SYT16: variants seen among roughly 807,000 people sequenced by gnomAD.
SYT16 encodes the protein synaptotagmin 16.
In SYT16, 42 loss-of-function variants were observed where a neutral mutation model predicts 61.4. The ratio of observed to expected loss-of-function variants is 0.68; its 90% CI spans 0.53 to 0.89. SYT16 has a LOEUF of 0.89. Ranked by LOEUF, SYT16 falls within the 40% of genes least tolerant of loss-of-function variation. The pLI is 0.00. For missense variants in SYT16, 804 were observed against 807.3 expected (o/e 1.00, Z 0.05); for synonymous variants, 314 against 302.3 (o/e 1.04, Z -0.40).
chr14:62,100,376 C>CTTTTTTTT lies in SYT16; in HGVS notation c.1625-15_1625-8dup. 4 of 1,286,614 alleles carry CTTTTTTTT rather than the reference C, an allele frequency of 3.1e-6. No homozygotes were observed. Among genetic ancestry groups the CTTTTTTTT allele is most frequent in the Non-Finnish European group, 2.1e-6 (2 of 948,380 alleles). 79.7% of individuals were successfully genotyped at this position (1,286,614 alleles called of 1,614,324 possible). On this transcript the variant is annotated splice_polypyrimidine_tract_variant and intron_variant, in intron 7 of 7. Coordinates refer to ENST00000683842, the MANE Select transcript of SYT16 (RefSeq NM_001367656.1). ...TGTTTCTTATCATCCCCACCCCACC[C>CTTTTTTTT]TTTTTTTTTTGTCTTAGATACATAT...
chr14:62,096,189 TAAAAG>T (rs1039138583), intron 7 of SYT16, among the ~76,000 whole-genome samples: 8 of 151,958 alleles, frequency 5.3e-5, no homozygotes, highest in African/African-American at 1.7e-4. Context: ...AGCATCAACT[TAAAAG>T]AAGACACCAA....
At chr14:61,941,679 AG>A in intron 1 of SYT16, among the ~76,000 whole-genome samples, 1 of 152,116 alleles carries the variant, frequency 6.6e-6, no homozygotes, top group Non-Finnish European at 1.5e-5. Context: ...TTTTCTTCTT[AG>A]CTCTGCAGCT....
At chr14:62,100,005 A>G (rs891576049) in intron 7 of SYT16, among the ~76,000 whole-genome samples, 22 of 152,358 alleles carry the variant, frequency 1.4e-4, no homozygotes, top group Admixed American at 5.2e-4. Flanking sequence ...CAATTTGACT[A>G]TGAAAAAATC....
At chr14:61,865,228 T>A (rs1343440062) in intron 1 of SYT16, 1 of 1,020,476 alleles carries the variant, frequency 9.8e-7, no homozygotes, top group Non-Finnish European at 1.5e-6. Flanking sequence ...GGGCACCCCA[T>A]CTGTTGCTGG....
chr14:61,859,106 G>A (rs945872424), intron 1 of SYT16, among the ~76,000 whole-genome samples: 1 of 151,776 alleles, frequency 6.6e-6, no homozygotes, highest in African/African-American at 2.4e-5. Context: ...TGATTCGCCC[G>A]CCTCGGCCTC....
intron 1 of SYT16, among the ~76,000 whole-genome samples, chr14:61,933,739 A>C (rs1429971116): frequency 6.6e-6 from 1 of 152,234 alleles, no homozygotes; most frequent in Admixed American, 6.5e-5. Context: ...AGGTTATCAG[A>C]CACAGTGGAG....
At chr14:61,897,342 T>C (rs2048359994) in intron 1 of SYT16, 2 of 152,224 alleles carry the variant, frequency 1.3e-5, no homozygotes, top group South Asian at 2.1e-4. Flanking sequence ...GAATTTTCTT[T>C]ACGTTGTCTA....
chr14:62,106,993 T>C lies in SYT16; in HGVS notation c.*6286T>C, dbSNP rs182750453. 1.4e-4 allele frequency: 22 copies of C among 152,112 alleles called. No individual in the cohort carries two copies. The highest frequency in any genetic ancestry group is 5.3e-4 in the African/African-American group (22 of 41,494). The allele number at this position is 152,112 out of a possible 1,614,324, so 9.4% of individuals were successfully genotyped here. ...TACTTCATGCCTTTGAGTGACAGTG[T>C]TACCAGTTTTACCTTGAGGATGATG... On this transcript the variant is annotated 3_prime_UTR_variant, in exon 8 of 8. Coordinates refer to ENST00000683842, the MANE Select transcript of SYT16 (RefSeq NM_001367656.1).
In SYT16 at chr14:62,047,499, T is replaced by C. The variant is rs2055048266; in HGVS notation, c.524-22104T>C. Among the ~76,000 whole-genome samples the C allele has an allele frequency of 4.6e-5, 7 of 152,300 alleles. No individual in the cohort carries two copies. The South Asian group carries it at 1.2e-3, about 27-fold the overall frequency. ...CCTGCCTGATTGCCCTGGCCAGAAC[T>C]TCCAACACTATGTTGAATAGGAGTG... On this transcript the variant is annotated intron_variant, in intron 3 of 7. Transcript: ENST00000683842.
chr14:61,998,149 G>T (rs186193917), intron 3 of SYT16, among the ~76,000 whole-genome samples: 14 of 151,982 alleles, frequency 9.2e-5, no homozygotes, highest in Admixed American at 3.3e-4. Flanking sequence ...AAGAAGCAGA[G>T]CTCAGGCAGT....
At chr14:61,949,805 T>C (rs76720742) in intron 1 of SYT16, among the ~76,000 whole-genome samples, 8,298 of 152,270 alleles carry the variant, frequency 0.054, 392 homozygotes, top group African/African-American at 0.13. Context: ...TCTGATCTGG[T>C]GAGGGTAGCT....
chr14:61,981,501 A>T (rs117887505), intron 2 of SYT16, among the ~76,000 whole-genome samples: 1,760 of 152,334 alleles, frequency 0.012, 21 homozygotes, highest in Non-Finnish European at 0.02. Flanking sequence ...AATGAACCCC[A>T]TATATCTATC....
At chr14:61,960,172 T>G (rs983748550) in intron 1 of SYT16, among the ~76,000 whole-genome samples, 4 of 152,204 alleles carry the variant, frequency 2.6e-5, no homozygotes, top group Non-Finnish European at 5.9e-5. Flanking sequence ...TAGGATTGCC[T>G]TCTTCATTCA....
At chr14:62,003,380 T>A (rs2053098860) in intron 3 of SYT16, among the ~76,000 whole-genome samples, 1 of 151,992 alleles carries the variant, frequency 6.6e-6, no homozygotes, top group African/African-American at 2.4e-5. Flanking sequence ...TCTGTACTTC[T>A]GTGCTAGTCC....
intron 3 of SYT16, among the ~76,000 whole-genome samples, chr14:62,058,045 T>G (rs758691749): frequency 1.3e-4 from 20 of 152,222 alleles, no homozygotes; most frequent in Non-Finnish European, 1.0e-4. Context: ...ACATTCTTTT[T>G]ACCTTTTTAC....
chr14:61,911,247 G>T (rs2048922680), intron 1 of SYT16, among the ~76,000 whole-genome samples: 1 of 152,182 alleles, frequency 6.6e-6, no homozygotes, highest in Non-Finnish European at 1.5e-5. Context: ...CCATAGACTA[G>T]AACCTACCTA....
At chr14:62,051,904 C>T (rs1371145621) in intron 3 of SYT16, among the ~76,000 whole-genome samples, 1 of 152,120 alleles carries the variant, frequency 6.6e-6, no homozygotes, top group Non-Finnish European at 1.5e-5. Context: ...TGGTGGCACA[C>T]ACCTGTAGTC....
chr14:61,924,044 G>A (rs1353105672), intron 1 of SYT16, among the ~76,000 whole-genome samples: 1 of 152,152 alleles, frequency 6.6e-6, no homozygotes, highest in Non-Finnish European at 1.5e-5. Context: ...GCTGAATCAG[G>A]ATGAAAGGAA....
intron 1 of SYT16, among the ~76,000 whole-genome samples, chr14:61,933,626 T>A (rs2049860656): frequency 6.6e-6 from 1 of 151,952 alleles, no homozygotes; most frequent in Non-Finnish European, 1.5e-5. Context: ...TCTGGGAGAG[T>A]GTGCACTCAC....
Sources: gnomAD v4.1 joint callset for allele counts (sites outside exome capture counted in the v4.1 genomes callset) on GRCh38, gnomAD v4.1.1 for gene constraint, MANE v1.5 for transcripts, NCBI Gene and HGNC (gene_info 2026-07-23, HGNC 2026-07-21) for gene names.